The following MAGI2 variants were observed in gnomAD, a reference collection of about 807,000 sequenced individuals.
MAGI2 encodes the protein membrane-associated guanylate kinase, WW and PDZ domain-containing protein 2.
MAGI2 carries 35 observed loss-of-function variants against 133.3 expected under a neutral mutation model. That is an observed-to-expected ratio of 0.26 (90% CI 0.20 to 0.35). The LOEUF (loss-of-function observed/expected upper bound fraction) is 0.35. Among genes scored for constraint, MAGI2 ranks in the 10% least tolerant of loss-of-function variants. The probability of loss-of-function intolerance (pLI) is 1.00; values close to 1 mark genes in which losing one functional copy is unlikely to be tolerated. For missense variants in MAGI2, 1,636 were observed against 1,863.4 expected (o/e 0.88, Z 2.25); for synonymous variants, 729 against 710.6 (o/e 1.03, Z -0.41).
chr7:79,173,694 T>C (rs906138644), intron 1 of MAGI2, among the ~76,000 whole-genome samples: 4 of 152,102 alleles, frequency 2.6e-5, no homozygotes, highest in African/African-American at 4.8e-5. Flanking sequence ...AAAATAAATA[T>C]GGAAGACTAG....
chr7:78,107,824 T>C (rs1438436197), intron 20 of MAGI2, among the ~76,000 whole-genome samples: 1 of 136,882 alleles, frequency 7.3e-6, no homozygotes, highest in Non-Finnish European at 1.6e-5. Flanking sequence ...TATATTTCCG[T>C]GGTATCAGTA....
chr7:79,374,828 A>C lies in MAGI2; in HGVS notation c.301+78192T>G, dbSNP rs2129137265. ...GCCTACATAAAATTGTGGCATTAGG[A>C]AAGTTTTCCCTTAATCTTTTGAAGC... On this transcript the variant is annotated intron_variant, in intron 1 of 21. Coordinates refer to ENST00000354212, the MANE Select transcript of MAGI2 (RefSeq NM_012301.4). Among the ~76,000 whole-genome samples the C allele has an allele frequency of 2.0e-5, 3 of 152,034 alleles. No individual in the cohort carries two copies. In the East Asian group the frequency reaches 5.8e-4, roughly 29 times the overall value.
At chr7:78,076,145 C>T (rs532589460) in intron 21 of MAGI2, among the ~76,000 whole-genome samples, 1 of 152,216 alleles carries the variant, frequency 6.6e-6, no homozygotes, top group East Asian at 1.9e-4. Context: ...GTTAACAATG[C>T]TGATGATTGG....
intron 1 of MAGI2, among the ~76,000 whole-genome samples, chr7:79,399,566 G>A (rs541200009): frequency 2.0e-5 from 3 of 152,176 alleles, no homozygotes; most frequent in East Asian, 1.9e-4. Flanking sequence ...ATACACAACC[G>A]AAAAGCTGTA....
intron 2 of MAGI2, among the ~76,000 whole-genome samples, chr7:78,850,905 TC>T (rs766056618): frequency 2.6e-5 from 4 of 152,228 alleles, no homozygotes; most frequent in Non-Finnish European, 5.9e-5. Flanking sequence ...AATTAATTTT[TC>T]CTCAGTGACT....
intron 1 of MAGI2, among the ~76,000 whole-genome samples, chr7:79,212,961 A>C (rs185450767): frequency 2.2e-4 from 33 of 151,986 alleles, no homozygotes; most frequent in African/African-American, 8.0e-4. Flanking sequence ...TTAACACATA[A>C]ATTTACTTAA....
At chr7:78,166,579 C>G (rs1825643189) in intron 15 of MAGI2, among the ~76,000 whole-genome samples, 1 of 152,188 alleles carries the variant, frequency 6.6e-6, no homozygotes, top group South Asian at 2.1e-4. Context: ...GCTAACAATT[C>G]TTTTGACTTG....
chr7:78,134,852 C>T, intron 17 of MAGI2, 169 bp downstream of exon 17: 1 of 595,738 alleles, frequency 1.7e-6, no homozygotes, highest in South Asian at 2.1e-5. Flanking sequence ...TGGATTGCAA[C>T]TGAGTGTGAG....
At chr7:78,125,927 T>A (rs757241155) in intron 19 of MAGI2, 90 bp from the exon 20 acceptor site, 15 of 1,262,106 alleles carry the variant, frequency 1.2e-5, no homozygotes, top group Non-Finnish European at 1.7e-5. Flanking sequence ...TTCTGTCTCT[T>A]AGTTAATGTA....
At chr7:78,157,969 G>A (rs1824563063) in intron 16 of MAGI2, among the ~76,000 whole-genome samples, 1 of 152,180 alleles carries the variant, frequency 6.6e-6, no homozygotes, top group Admixed American at 6.5e-5. Context: ...TTTCACTCCT[G>A]AATTTATCAA....
intron 2 of MAGI2, among the ~76,000 whole-genome samples, chr7:78,909,512 A>AGAAT (rs1798240825): frequency 6.8e-6 from 1 of 146,276 alleles, no homozygotes; most frequent in African/African-American, 2.5e-5. Flanking sequence ...CTGAGGCAGG[A>AGAAT]GAATGGCGTG....
chr7:78,687,646 G>A (rs1386139318), intron 2 of MAGI2, among the ~76,000 whole-genome samples: 1 of 151,998 alleles, frequency 6.6e-6, no homozygotes, highest in Non-Finnish European at 1.5e-5. Flanking sequence ...CTGGATAACT[G>A]AAGGAAAAAA....
intron 1 of MAGI2, among the ~76,000 whole-genome samples, chr7:79,188,567 A>G (rs1827374769): frequency 6.6e-6 from 1 of 151,808 alleles, no homozygotes; most frequent in African/African-American, 2.4e-5. Flanking sequence ...GCTGTTGTGA[A>G]CAGTGCTGCA....
intron 9 of MAGI2, among the ~76,000 whole-genome samples, chr7:78,317,230 A>T (rs1787508675): frequency 6.6e-6 from 1 of 152,144 alleles, no homozygotes; most frequent in Non-Finnish European, 1.5e-5. Context: ...GTGAGAATTC[A>T]TTTGTTCTTT....
intron 3 of MAGI2, among the ~76,000 whole-genome samples, chr7:78,599,312 TTAA>T (rs1228113744): frequency 6.6e-6 from 1 of 152,166 alleles, no homozygotes; most frequent in Non-Finnish European, 1.5e-5. Context: ...ATTAAAAATT[TTAA>T]GAAGATAGAT....
At chr7:79,431,200 A>C (rs1180552466) in intron 1 of MAGI2, among the ~76,000 whole-genome samples, 1 of 152,194 alleles carries the variant, frequency 6.6e-6, no homozygotes, top group Non-Finnish European at 1.5e-5. Context: ...AGCTCTTTGG[A>C]GCCAAATCCC....
intron 2 of MAGI2, among the ~76,000 whole-genome samples, chr7:78,914,110 C>G (rs1798612323): frequency 6.6e-6 from 1 of 152,198 alleles, no homozygotes; most frequent in Non-Finnish European, 1.5e-5. Flanking sequence ...CTCACAAAGC[C>G]TCAGCAGTTA....
At chr7:79,226,825 G>A (rs749006728) in intron 1 of MAGI2, among the ~76,000 whole-genome samples, 1 of 152,080 alleles carries the variant, frequency 6.6e-6, no homozygotes, top group Non-Finnish European at 1.5e-5. Flanking sequence ...TGAAGAAAGT[G>A]TCCATGCCAT....
chr7:78,143,284 G>A (rs542609515), intron 16 of MAGI2, among the ~76,000 whole-genome samples: 3 of 152,248 alleles, frequency 2.0e-5, no homozygotes, highest in Non-Finnish European at 4.4e-5. Flanking sequence ...CTTCCCTGTA[G>A]GGCAGAAAAG....
Sources: gnomAD v4.1 joint callset for allele counts (sites outside exome capture counted in the v4.1 genomes callset) on GRCh38, gnomAD v4.1.1 for gene constraint, MANE v1.5 for transcripts, NCBI Gene and HGNC (gene_info 2026-07-23, HGNC 2026-07-21) for gene names.